ZFHX3: variants seen among roughly 807,000 people sequenced by gnomAD.
ZFHX3 encodes the protein zinc finger homeobox 3.
In ZFHX3, 42 loss-of-function variants were observed where a neutral mutation model predicts 279.1. The ratio of observed to expected loss-of-function variants is 0.15; its 90% CI spans 0.12 to 0.19. The LOEUF is 0.19. ZFHX3 is among the 10% of genes least tolerant of loss of function. The pLI is 1.00. For synonymous variants in ZFHX3, 2,293 were observed against 1,957.8 expected, an observed-to-expected ratio of 1.17 and a Z score of -4.52; for missense variants, 4,981 against 4,754.0, an observed-to-expected ratio of 1.05 and a Z score of -1.40.
At chr16:73,857,258 C>T (rs1274380895) in intron 1 of ZFHX3, among the ~76,000 whole-genome samples, 1 of 152,088 alleles carries the variant, frequency 6.6e-6, no homozygotes, top group East Asian at 1.9e-4. Context: ...AGAATGAATG[C>T]ATCATTAGTT....
intron 5 of ZFHX3, among the ~76,000 whole-genome samples, chr16:73,179,515 G>C (rs1259618927): frequency 6.6e-6 from 1 of 151,936 alleles, no homozygotes; most frequent in Non-Finnish European, 1.5e-5. Flanking sequence ...AAATAAATAA[G>C]TGCATTAATA....
chr16:73,288,143 A>G (rs2014676331), intron 4 of ZFHX3, among the ~76,000 whole-genome samples: 1 of 145,144 alleles, frequency 6.9e-6, no homozygotes, highest in Non-Finnish European at 1.5e-5. Flanking sequence ...CTGGCTCTTT[A>G]TCAGCCTCTC....
chr16:73,412,987 G>A (rs745645013), intron 3 of ZFHX3, among the ~76,000 whole-genome samples: 3 of 152,178 alleles, frequency 2.0e-5, no homozygotes, highest in Admixed American at 6.5e-5. Flanking sequence ...AGGGCCCACC[G>A]TGTGCAAAGT....
At chr16:73,416,777 A>G (rs11646688) in intron 3 of ZFHX3, among the ~76,000 whole-genome samples, 52,259 of 133,762 alleles carry the variant, frequency 0.39, 14,273 homozygotes, top group Non-Finnish European at 0.58. Context: ...GGGAGGCTGA[A>G]GCAGGAGAAT....
intron 3 of ZFHX3, among the ~76,000 whole-genome samples, chr16:73,350,589 G>A (rs932618988): frequency 3.3e-5 from 5 of 152,194 alleles, no homozygotes; most frequent in Non-Finnish European, 5.9e-5. Flanking sequence ...TTCAGGTAGC[G>A]AAGACTCAAC....
At chr16:73,616,041 A>G (rs2052297933) in intron 2 of ZFHX3, among the ~76,000 whole-genome samples, 1 of 152,032 alleles carries the variant, frequency 6.6e-6, no homozygotes, top group African/African-American at 2.4e-5. Flanking sequence ...TTAGATTAGA[A>G]TGTTTGGATT....
intron 1 of ZFHX3, among the ~76,000 whole-genome samples, chr16:73,692,325 G>C (rs2053157040): frequency 6.6e-6 from 1 of 152,148 alleles, no homozygotes; most frequent in Non-Finnish European, 1.5e-5. Flanking sequence ...ACAATCTTCA[G>C]ATGGGGAGCT....
rs183150155 is a variant in ZFHX3 at position 73,452,617 on chromosome 16, A to T, written c.-1291+3386T>A. ...TTTGATAGGTAAGAATTTCTTGCAAATGGTGACCCTAGGAAAACCATTCCT... is the reference window on the plus strand; with the variant it reads ...TTTGATAGGTAAGAATTTCTTGCAATTGGTGACCCTAGGAAAACCATTCCT... On this transcript the variant is annotated intron_variant, in intron 3 of 17. Transcript: ENST00000641206. Among the ~76,000 whole-genome samples, 516 of 152,222 alleles carry T rather than the reference A, an allele frequency of 3.4e-3. 4 individuals carry two copies. Among genetic ancestry groups the T allele is most frequent in the African/African-American group, 0.012 (498 of 41,540 alleles).
intron 3 of ZFHX3, among the ~76,000 whole-genome samples, chr16:72,909,972 A>G (rs2039277964): frequency 6.6e-6 from 1 of 152,102 alleles, no homozygotes; most frequent in Non-Finnish European, 1.5e-5. Flanking sequence ...CCTATTTAAG[A>G]GCCATTTAAC....
chr16:73,624,720 A>G (rs2052399453), intron 2 of ZFHX3, among the ~76,000 whole-genome samples: 1 of 152,142 alleles, frequency 6.6e-6, no homozygotes, highest in East Asian at 1.9e-4. Context: ...TGTGAGCTTA[A>G]TACAACTGCC....
At chr16:72,977,365 T>A (rs1962394132) in intron 1 of ZFHX3, among the ~76,000 whole-genome samples, 1 of 152,178 alleles carries the variant, frequency 6.6e-6, no homozygotes, top group South Asian at 2.1e-4. Flanking sequence ...AGGAGGTGGC[T>A]CAGCCCAGCT....
intron 1 of ZFHX3, among the ~76,000 whole-genome samples, chr16:73,851,663 G>A (rs76947962): frequency 1.5e-3 from 225 of 152,284 alleles, no homozygotes; most frequent in Non-Finnish European, 2.9e-3. Flanking sequence ...AGGGGACGAC[G>A]AAGCTAAAAT....
At chr16:73,492,657 A>T (rs909552768) in intron 2 of ZFHX3, among the ~76,000 whole-genome samples, 4 of 152,238 alleles carry the variant, frequency 2.6e-5, no homozygotes, top group African/African-American at 9.6e-5. Context: ...AAGGTTAAAT[A>T]TCACATATAA....
chr16:73,266,857 C>A (rs1211675765), intron 4 of ZFHX3, among the ~76,000 whole-genome samples: 1 of 152,242 alleles, frequency 6.6e-6, no homozygotes, highest in Non-Finnish European at 1.5e-5. Context: ...TGAGGCCTCC[C>A]TAGCCATGTG....
upstream of ZFHX3, chr16:73,059,734 C>G (rs748342457): frequency 1.3e-5 from 2 of 152,020 alleles, no homozygotes; most frequent in Non-Finnish European, 2.9e-5. Context: ...GGAAAATTAC[C>G]TCCCCCCAAA....
At chr16:73,357,033 A>G (rs1252648800) in intron 3 of ZFHX3, among the ~76,000 whole-genome samples, 2 of 151,910 alleles carry the variant, frequency 1.3e-5, no homozygotes, top group East Asian at 3.9e-4. Flanking sequence ...CCAATTGGCC[A>G]TGGTGGAAAT....
chr16:73,201,563 GTTCACTAAATTAAAAGGGC>G (rs1176013860), intron 5 of ZFHX3, among the ~76,000 whole-genome samples: 3 of 152,182 alleles, frequency 2.0e-5, no homozygotes, highest in Admixed American at 2.0e-4. Context: ...GCTTAGGCAG[GTTCACTAAATTAAAAGGGC>G]TTCAACAATT....
At chr16:73,219,490 G>A (rs2012334780) in intron 5 of ZFHX3, among the ~76,000 whole-genome samples, 1 of 152,206 alleles carries the variant, frequency 6.6e-6, no homozygotes, top group African/African-American at 2.4e-5. Context: ...ATGTCATACT[G>A]TAGAGATGCC....
intron 1 of ZFHX3, among the ~76,000 whole-genome samples, chr16:73,689,572 C>A (rs979210161): frequency 6.6e-6 from 1 of 152,190 alleles, no homozygotes; most frequent in African/African-American, 2.4e-5. Flanking sequence ...CACATCTAAA[C>A]AGCTGCCTGA....
Sources: gnomAD v4.1 joint callset for allele counts (sites outside exome capture counted in the v4.1 genomes callset) on GRCh38, gnomAD v4.1.1 for gene constraint, MANE v1.5 for transcripts, NCBI Gene and HGNC (gene_info 2026-07-23, HGNC 2026-07-21) for gene names.